NRG4: variants seen among roughly 807,000 people sequenced by gnomAD.
NRG4 encodes pro-neuregulin-4, membrane-bound isoform.
In NRG4, 10 loss-of-function variants were observed where a neutral mutation model predicts 15.0. That is an observed-to-expected ratio of 0.67 (90% CI 0.41 to 1.13). The LOEUF (loss-of-function observed/expected upper bound fraction) is 1.13. NRG4 is among the 50% of genes most tolerant of loss of function. The probability of loss-of-function intolerance (pLI) is 0.00; values close to 1 mark genes in which losing one functional copy is unlikely to be tolerated. For synonymous variants in NRG4, 41 were observed against 50.1 expected (o/e 0.82, Z 0.77); for missense variants, 139 against 140.2 (o/e 0.99, Z 0.04).
At chr15:75,961,710 TAAC>T in intron 4 of NRG4, 115 bp downstream of exon 4, 1 of 706,490 alleles carries the variant, frequency 1.4e-6, no homozygotes, top group Non-Finnish European at 2.4e-6. Context: ...ATTAAAGAGA[TAAC>T]TAAACATAAT....
At position 76,048,064 on chromosome 15, in the gene NRG4, G is replaced by A. The variant is rs939712730; in HGVS notation, c.-105+4003C>T. ...TCCCAGCTACTCCAGAGGCTGAGGT[G>A]GGAGGATCCCTGGAGCCCAGGAGTT... On this transcript the variant is annotated intron_variant, in intron 4 of 8. Coordinates refer to the NRG4 transcript ENST00000563910. 6.0e-5 allele frequency among the ~76,000 whole-genome samples: 9 copies of A among 150,104 alleles called. 1 individual carries two copies. The highest frequency in any genetic ancestry group is 2.0e-4 in the African/African-American group (8 of 39,964).
At chr15:75,992,500 T>C (rs2034055562) in intron 3 of NRG4, among the ~76,000 whole-genome samples, 1 of 152,178 alleles carries the variant, frequency 6.6e-6, no homozygotes, top group African/African-American at 2.4e-5. Context: ...ATTTATATGA[T>C]ATAATTCACA....
At chr15:76,047,722 T>C (rs1171345241) in intron 4 of NRG4, among the ~76,000 whole-genome samples, 1 of 151,150 alleles carries the variant, frequency 6.6e-6, no homozygotes, top group Admixed American at 6.6e-5. Context: ...ATTTTATATG[T>C]ATATTTTACC....
chr15:75,991,850 T>C (rs1290525307), intron 3 of NRG4, among the ~76,000 whole-genome samples: 1 of 152,118 alleles, frequency 6.6e-6, no homozygotes, highest in African/African-American at 2.4e-5. Context: ...TGTCTTTAGT[T>C]GGCAAGTTTA....
chr15:75,978,243 C>T (rs1030758708), intron 3 of NRG4, among the ~76,000 whole-genome samples: 9 of 152,342 alleles, frequency 5.9e-5, no homozygotes, highest in South Asian at 4.1e-4. Context: ...ATTCAACTCT[C>T]TACCTCCCTG....
At chr15:76,042,296 C>G (rs551010045) in intron 4 of NRG4, among the ~76,000 whole-genome samples, 2 of 151,074 alleles carry the variant, frequency 1.3e-5, no homozygotes, top group African/African-American at 4.9e-5. Flanking sequence ...GCAAACCAAA[C>G]CCAAAAATCA....
At chr15:76,027,224 G>C (rs1187545376) in intron 5 of NRG4, among the ~76,000 whole-genome samples, 1 of 151,914 alleles carries the variant, frequency 6.6e-6, no homozygotes, top group East Asian at 1.9e-4. Flanking sequence ...GAAAGTGAAG[G>C]GATGGAAAAA....
intron 5 of NRG4, chr15:75,950,483 C>A: frequency 4.3e-6 from 1 of 232,330 alleles, no homozygotes; most frequent in South Asian, 7.9e-5. Context: ...GAGTCACTCT[C>A]TGGGTCAGCA....
At chr15:75,949,353 G>T (rs950632369) in intron 5 of NRG4, among the ~76,000 whole-genome samples, 3 of 149,508 alleles carry the variant, frequency 2.0e-5, no homozygotes, top group Non-Finnish European at 2.9e-5. Flanking sequence ...AGAGGTTGCA[G>T]TATGCTGAGG....
chr15:76,054,612 G>A (rs1264552352), intron 2 of NRG4, among the ~76,000 whole-genome samples: 9 of 152,002 alleles, frequency 5.9e-5, no homozygotes, highest in East Asian at 1.9e-4. Flanking sequence ...ACAGAGTTTC[G>A]CCATGTTGGC....
rs77089420 is a variant in NRG4 at position 76,028,300 on chromosome 15, C to T, written c.-57+7644G>A. Among the ~76,000 whole-genome samples the T allele has an allele frequency of 8.0e-3, 1,218 of 151,444 alleles. 14 individuals are homozygous for T. The highest frequency in any genetic ancestry group is 0.028 in the African/African-American group (1,149 of 41,314). On this transcript the variant is annotated intron_variant, in intron 5 of 8. Transcript: ENST00000563910. The stretch of plus-strand genomic sequence containing the variant: ...AAAGAAAACCCAAATTAAAAAAAAT[C>T]AGAAATGAAAAATGAGACATCAAAA...
At chr15:76,000,132 C>T (rs1428629709) in intron 3 of NRG4, among the ~76,000 whole-genome samples, 2 of 152,158 alleles carry the variant, frequency 1.3e-5, no homozygotes, top group African/African-American at 4.8e-5. Flanking sequence ...GATCCACCCA[C>T]CTCGGCCTCC....
chr15:75,991,183 T>C (rs1044327013), intron 3 of NRG4, among the ~76,000 whole-genome samples: 2 of 152,160 alleles, frequency 1.3e-5, no homozygotes, highest in African/African-American at 4.8e-5. Flanking sequence ...ATAGCAAATA[T>C]TTTAGGCTTT....
At chr15:75,952,170 ACAAT>A (rs2031939881) in intron 5 of NRG4, among the ~76,000 whole-genome samples, 1 of 152,194 alleles carries the variant, frequency 6.6e-6, no homozygotes, top group Non-Finnish European at 1.5e-5. Context: ...AACCATCAGC[ACAAT>A]CAAATTTATG....
chr15:75,952,815 T>C (rs1355609115), intron 5 of NRG4, among the ~76,000 whole-genome samples: 5 of 152,172 alleles, frequency 3.3e-5, no homozygotes, highest in African/African-American at 4.8e-5. Context: ...TGGAGAACTC[T>C]TTTCCAATCC....
chr15:76,018,048 T>A (rs923553268), intron 5 of NRG4, among the ~76,000 whole-genome samples: 29 of 152,210 alleles, frequency 1.9e-4, no homozygotes, highest in African/African-American at 6.8e-4. Flanking sequence ...TTCTCTAATC[T>A]TGTCTTCACA....
chr15:75,980,382 GA>G (rs768108160), intron 3 of NRG4, among the ~76,000 whole-genome samples: 2 of 83,620 alleles, frequency 2.4e-5, no homozygotes, highest in Non-Finnish European at 5.4e-5. Context: ...TTTCTTTGGG[GA>G]TTTTTTTTTT....
downstream of NRG4, chr15:75,937,523 AAAAAAAAAAG>A (rs767973600): frequency 7.3e-6 from 1 of 136,762 alleles, no homozygotes; most frequent in Non-Finnish European, 1.5e-5. Context: ...AAAAAAAAAA[AAAAAAAAAAG>A]CAACTGTCTG....
At chr15:75,974,273 T>C (rs924876609) in intron 3 of NRG4, among the ~76,000 whole-genome samples, 2 of 152,152 alleles carry the variant, frequency 1.3e-5, no homozygotes, top group Non-Finnish European at 2.9e-5. Flanking sequence ...TTTATTAGTC[T>C]GGCTAGCAGT....
Sources: allele counts gnomAD v4.1 joint callset (sites outside exome capture counted in the v4.1 genomes callset), GRCh38; gene constraint gnomAD v4.1.1; transcripts MANE v1.5; gene names NCBI Gene and HGNC (gene_info 2026-07-23, HGNC 2026-07-21).